The following WWC2 variants were observed in gnomAD, a reference collection of about 807,000 sequenced individuals.
WWC2 encodes the protein protein WWC2.
In WWC2, 101 loss-of-function variants were observed where a neutral mutation model predicts 138.5. That is an observed-to-expected ratio of 0.73 (90% CI 0.62 to 0.86). The LOEUF is 0.86. Ranked by LOEUF, WWC2 falls within the 40% of genes least tolerant of loss-of-function variation. The probability of loss-of-function intolerance (pLI) is 0.00; values close to 1 mark genes in which losing one functional copy is unlikely to be tolerated. For synonymous variants in WWC2, 558 were observed against 538.4 expected (o/e 1.04, Z -0.50); for missense variants, 1,420 against 1,419.4 (o/e 1.00, Z -0.01).
intron 1 of WWC2, among the ~76,000 whole-genome samples, chr4:183,186,845 G>A (rs1320021970): frequency 6.6e-6 from 1 of 152,138 alleles, no homozygotes; most frequent in Non-Finnish European, 1.5e-5. Flanking sequence ...ACTCATGCCA[G>A]CTGTAGGAGG....
At chr4:183,248,678 T>C in intron 6 of WWC2, 36 bp from the exon 7 acceptor site, 1 of 1,538,968 alleles carries the variant, frequency 6.5e-7, no homozygotes, top group Non-Finnish European at 8.8e-7. Flanking sequence ...GTCTTACTTG[T>C]TAAGCTTTAT....
At chr4:183,255,862 A>G (rs1332829275) in intron 9 of WWC2, among the ~76,000 whole-genome samples, 1 of 148,122 alleles carries the variant, frequency 6.8e-6, no homozygotes, top group African/African-American at 2.6e-5. Flanking sequence ...CCAGTGAAAT[A>G]GGAGGCTTTT....
intron 21 of WWC2, among the ~76,000 whole-genome samples, chr4:183,300,341 CTT>C (rs763942652): frequency 4.4e-5 from 6 of 136,216 alleles, no homozygotes; most frequent in Non-Finnish European, 6.4e-5. Context: ...GCAGGAATTT[CTT>C]TTTTTTTTTT....
At chr4:183,315,550 A>T (rs1039395545) in intron 22 of WWC2, 113 bp from the exon 23 acceptor site, 1 of 704,462 alleles carries the variant, frequency 1.4e-6, no homozygotes, top group Non-Finnish European at 2.3e-6. Context: ...AAGAGCTTCT[A>T]CCTGTGCTTG....
chr4:183,203,635 A>G (rs1455619608), intron 2 of WWC2: 2 of 152,156 alleles, frequency 1.3e-5, no homozygotes, highest in Non-Finnish European at 2.9e-5. Flanking sequence ...TTAAAATCTA[A>G]GAGTACTGTT....
intron 2 of WWC2, among the ~76,000 whole-genome samples, chr4:183,196,921 T>C (rs1028245543): frequency 6.6e-6 from 1 of 152,222 alleles, no homozygotes; most frequent in Non-Finnish European, 1.5e-5. Flanking sequence ...ATAGGGATTT[T>C]TTTAAAAAGC....
intron 1 of WWC2, among the ~76,000 whole-genome samples, chr4:183,100,928 C>G (rs915610312): frequency 4.6e-5 from 7 of 152,234 alleles, no homozygotes; most frequent in African/African-American, 1.4e-4. Flanking sequence ...GGCATCACAC[C>G]TTCCCAGTGT....
At chr4:183,152,182 G>A (rs1319211654) in intron 1 of WWC2, among the ~76,000 whole-genome samples, 3 of 152,154 alleles carry the variant, frequency 2.0e-5, no homozygotes, top group Non-Finnish European at 4.4e-5. Flanking sequence ...TTCTTCCTTT[G>A]GGTCTGGTTG....
chr4:183,171,737 C>T (rs1580009702), intron 1 of WWC2, among the ~76,000 whole-genome samples: 1 of 152,214 alleles, frequency 6.6e-6, no homozygotes, highest in Non-Finnish European at 1.5e-5. Flanking sequence ...CAGTCGACCA[C>T]ATTTACATAT....
At chr4:183,209,402 A>AT (rs1735537021) in intron 4 of WWC2, among the ~76,000 whole-genome samples, 2 of 152,062 alleles carry the variant, frequency 1.3e-5, no homozygotes, top group South Asian at 4.2e-4. Flanking sequence ...TAATTTTAGT[A>AT]TTTTTAGTAG....
intron 8 of WWC2, among the ~76,000 whole-genome samples, chr4:183,252,037 G>T (rs6842895): frequency 0.037 from 5,599 of 152,190 alleles, 342 homozygotes; most frequent in African/African-American, 0.13. Context: ...GTGCAGATGG[G>T]GGGAGAAAAT....
At chr4:183,185,084 G>A (rs545354391) in intron 1 of WWC2, among the ~76,000 whole-genome samples, 2 of 151,962 alleles carry the variant, frequency 1.3e-5, no homozygotes, top group Non-Finnish European at 1.5e-5. Context: ...GAAGTTTACC[G>A]ATCAGTATTA....
intron 4 of WWC2, among the ~76,000 whole-genome samples, chr4:183,235,394 T>G (rs1736390180): frequency 6.6e-6 from 1 of 152,210 alleles, no homozygotes; most frequent in African/African-American, 2.4e-5. Context: ...TTAACAGAAT[T>G]TTTAAGTGTA....
chr4:183,229,194 T>A (rs1358366672), intron 4 of WWC2, among the ~76,000 whole-genome samples: 1 of 152,112 alleles, frequency 6.6e-6, no homozygotes. Flanking sequence ...AAAGTTTTTT[T>A]ACTTTCAGTG....
intron 1 of WWC2, among the ~76,000 whole-genome samples, chr4:183,105,185 A>G (rs1004625008): frequency 6.6e-6 from 1 of 152,178 alleles, no homozygotes; most frequent in African/African-American, 2.4e-5. Context: ...CTGGCATACT[A>G]TTATCTTTAA....
intron 4 of WWC2, among the ~76,000 whole-genome samples, chr4:183,211,723 G>A (rs556051236): frequency 6.0e-4 from 92 of 152,244 alleles, no homozygotes; most frequent in African/African-American, 2.1e-3. Context: ...CTCAGTCACT[G>A]CATGCTCCCA....
chr4:183,143,819 G>C (rs764554691), intron 1 of WWC2, among the ~76,000 whole-genome samples: 1 of 148,176 alleles, frequency 6.7e-6, no homozygotes, highest in Admixed American at 6.7e-5. Context: ...CCTCCTCCCC[G>C]CAAAAAAAAA....
intron 21 of WWC2, among the ~76,000 whole-genome samples, chr4:183,292,725 A>G (rs1738497010): frequency 2.6e-5 from 4 of 152,206 alleles, no homozygotes; most frequent in Admixed American, 2.6e-4. Flanking sequence ...ATTTTATACA[A>G]ACTCTTCCGG....
chr4:183,267,210 A>G (rs182993437), intron 14 of WWC2, among the ~76,000 whole-genome samples: 1 of 152,194 alleles, frequency 6.6e-6, no homozygotes, highest in East Asian at 1.9e-4. Context: ...GTAGGATAGG[A>G]TTCCAGGAGG....
Sources: allele counts gnomAD v4.1 joint callset (sites outside exome capture counted in the v4.1 genomes callset), GRCh38; gene constraint gnomAD v4.1.1; transcripts MANE v1.5; gene names NCBI Gene and HGNC (gene_info 2026-07-23, HGNC 2026-07-21).